Variants in TEX11 observed in about 807,000 individuals in gnomAD.
TEX11 encodes testis expressed 11, also known as testis-expressed protein 11.
Under a neutral mutation model 84.4 loss-of-function variants are expected in TEX11, and 7 were observed. That is an observed-to-expected ratio of 0.08 (90% CI 0.05 to 0.16). The LOEUF is 0.16. TEX11 is among the 10% of genes least tolerant of loss of function. TEX11 has a pLI of 1.00. For synonymous variants in TEX11, 264 were observed against 222.8 expected, an observed-to-expected ratio of 1.18 and a Z score of -1.64; for missense variants, 551 against 660.5, an observed-to-expected ratio of 0.83 and a Z score of 1.82.
chrX:70,792,287 CAAAAAAAAAAAAAA>C (rs1167182936), intron 9 of TEX11, among the ~76,000 whole-genome samples: 11 of 1,810 alleles, frequency 6.1e-3, no homozygotes, highest in African/African-American at 7.5e-3. Context: ...GGCTCTGTCT[CAAAAAAAAAAAAAA>C]AAAAAAAAAA....
rs1488634772 is a variant in TEX11 at position 70,714,339 on chromosome X, G to C, written c.1004+8279C>G. Among the ~76,000 whole-genome samples, 7 of 111,052 alleles carry C rather than the reference G, an allele frequency of 6.3e-5. No individual in the cohort carries two copies. The Admixed American group carries it at 6.8e-4, about 11-fold the overall frequency. ...GGTGCAGAGCTGAGTTCAGTTCCTG[G>C]ATATCCTTGTTAACTTTCTGTCGTG... On this transcript the variant is annotated intron_variant, in intron 13 of 29. Transcript: ENST00000374333.
At chrX:70,558,229 T>C (rs1488098233) in intron 25 of TEX11, among the ~76,000 whole-genome samples, 1 of 111,042 alleles carries the variant, frequency 9.0e-6, no homozygotes, top group Non-Finnish European at 1.9e-5. Context: ...GATATATATA[T>C]ATATATGGAA....
At chrX:70,733,159 G>T (rs1443177885) in intron 11 of TEX11, among the ~76,000 whole-genome samples, 1 of 111,503 alleles carries the variant, frequency 9.0e-6, no homozygotes, top group East Asian at 2.8e-4. Flanking sequence ...ATTGAAGATG[G>T]ATTAAAGACT....
At chrX:70,771,598 G>A (rs1351340738) in intron 9 of TEX11, among the ~76,000 whole-genome samples, 1 of 111,762 alleles carries the variant, frequency 8.9e-6, no homozygotes, top group Non-Finnish European at 1.9e-5. Flanking sequence ...CTGTTTTTGA[G>A]TATGGAATAG....
chrX:70,554,914 C>A, intron 25 of TEX11, 114 bp from the exon 26 acceptor site: 3 of 740,094 alleles, frequency 4.1e-6, no homozygotes, highest in Non-Finnish European at 5.7e-6. Flanking sequence ...ATTTTACTTA[C>A]AATTTGAAGG....
At chrX:70,770,514 C>A (rs1023458172) in intron 9 of TEX11, among the ~76,000 whole-genome samples, 2 of 110,925 alleles carry the variant, frequency 1.8e-5, no homozygotes, top group Non-Finnish European at 3.8e-5. Flanking sequence ...CAGCATGGCA[C>A]ATGTATACAT....
intron 9 of TEX11, among the ~76,000 whole-genome samples, chrX:70,791,623 A>T (rs748966230): frequency 8.9e-6 from 1 of 111,773 alleles, no homozygotes; most frequent in South Asian, 3.7e-4. Flanking sequence ...AGCACATCTC[A>T]ATGAATTCAA....
chrX:70,517,507 T>C, the TEX11 span, among the ~76,000 whole-genome samples: 8 of 111,569 alleles, frequency 7.2e-5, no homozygotes, highest in Non-Finnish European at 1.5e-4. Context: ...TTTGATGTGC[T>C]GCTGGATTAG....
intron 9 of TEX11, among the ~76,000 whole-genome samples, chrX:70,783,904 A>C (rs778560457): frequency 1.3e-3 from 145 of 111,929 alleles, no homozygotes; most frequent in Middle Eastern, 4.6e-3. Context: ...AGGTACAAAG[A>C]GGAGCTGGTC....
intron 9 of TEX11, among the ~76,000 whole-genome samples, chrX:70,806,488 G>T (rs138903113): frequency 3.0e-3 from 326 of 109,731 alleles, no homozygotes; most frequent in Non-Finnish European, 5.4e-3. Flanking sequence ...AAGGAAAAAA[G>T]AAAGAAAGAA....
Position 70,528,971 on chromosome X carries a change from T to C in TEX11, c.*124A>G. On this transcript the variant is annotated 3_prime_UTR_variant, in exon 30 of 30. Coordinates refer to ENST00000374333, the MANE Select transcript of TEX11 (RefSeq NM_031276.3). Reference sequence around the variant, plus strand: ...CAGCATGCTTTTATTTTAGAAAGTTTATTCAACAACATGAAAACAGGGTCT... The same window carrying C: ...CAGCATGCTTTTATTTTAGAAAGTTCATTCAACAACATGAAAACAGGGTCT... The C allele has an allele frequency of 2.0e-6, 1 of 502,662 alleles. No homozygotes were observed. Among genetic ancestry groups the C allele is most frequent in the East Asian group, 3.6e-5 (1 of 27,407 alleles). 41.4% of individuals were successfully genotyped at this position (502,662 alleles called of 1,213,427 possible).
chrX:70,761,447 C>T (rs901628556), intron 9 of TEX11, among the ~76,000 whole-genome samples: 1 of 111,752 alleles, frequency 8.9e-6, no homozygotes, highest in Non-Finnish European at 1.9e-5. Context: ...AGGATGAGTT[C>T]ATGTCCTTTG....
At chrX:70,606,547 C>G (rs903299777) in intron 23 of TEX11, among the ~76,000 whole-genome samples, 1 of 112,100 alleles carries the variant, frequency 8.9e-6, no homozygotes, top group Admixed American at 9.5e-5. Context: ...TCAGCCCCTG[C>G]TATCCCCAGA....
intron 2 of TEX11, among the ~76,000 whole-genome samples, chrX:70,904,945 T>A (rs1328305726): frequency 8.9e-6 from 1 of 112,526 alleles, no homozygotes; most frequent in Non-Finnish European, 1.9e-5. Context: ...ATATAAAATT[T>A]TTTGTTTTTG....
At chrX:70,781,459 G>A (rs1441841414) in intron 9 of TEX11, among the ~76,000 whole-genome samples, 1 of 111,944 alleles carries the variant, frequency 8.9e-6, no homozygotes, top group East Asian at 2.8e-4. Context: ...GCTGGATGGA[G>A]AATGACTTTC....
chrX:70,541,404 T>C (rs1393964116), intron 28 of TEX11, among the ~76,000 whole-genome samples: 1 of 111,160 alleles, frequency 9.0e-6, no homozygotes, highest in African/African-American at 3.3e-5. Context: ...GTGACAGAAA[T>C]GCAATGCTCT....
chrX:70,857,617 C>T (rs1222065981), intron 5 of TEX11: 6 of 287,630 alleles, frequency 2.1e-5, no homozygotes, highest in Non-Finnish European at 3.9e-5. Context: ...CCAGTGATGG[C>T]AATAAGAAAA....
intron 9 of TEX11, among the ~76,000 whole-genome samples, chrX:70,759,207 C>T (rs2090890925): frequency 8.9e-6 from 1 of 111,742 alleles, no homozygotes; most frequent in Admixed American, 9.5e-5. Context: ...GAGCTGGTAC[C>T]ATTCCCTCTG....
intron 9 of TEX11, among the ~76,000 whole-genome samples, chrX:70,751,288 G>A (rs1461285655): frequency 1.9e-5 from 2 of 107,585 alleles, no homozygotes; most frequent in East Asian, 3.0e-4. Context: ...ATACACCATG[G>A]AATACTATGC....
Sources: allele counts gnomAD v4.1 joint callset (sites outside exome capture counted in the v4.1 genomes callset), GRCh38; gene constraint gnomAD v4.1.1; transcripts MANE v1.5; gene names NCBI Gene and HGNC (gene_info 2026-07-23, HGNC 2026-07-21).